The following MAGI2 variants were observed in gnomAD, a reference collection of about 807,000 sequenced individuals.
The protein encoded by MAGI2 is membrane associated guanylate kinase, WW and PDZ domain containing 2, also known as membrane-associated guanylate kinase, WW and PDZ domain-containing protein 2.
Under a neutral mutation model 133.3 loss-of-function variants are expected in MAGI2, and 35 were observed. The observed-to-expected ratio is 0.26, with a 90% CI of 0.20 to 0.35. The LOEUF (loss-of-function observed/expected upper bound fraction) is 0.35, where lower values mean the gene tolerates loss of function less well. MAGI2 is among the 10% of genes least tolerant of loss of function. MAGI2 has a pLI of 1.00. For missense variants in MAGI2, 1,636 were observed against 1,863.4 expected (o/e 0.88, Z 2.25); for synonymous variants, 729 against 710.6 (o/e 1.03, Z -0.41).
At chr7:79,206,430 C>T (rs1281053489) in intron 1 of MAGI2, among the ~76,000 whole-genome samples, 1 of 150,786 alleles carries the variant, frequency 6.6e-6, no homozygotes, top group Admixed American at 6.6e-5. Context: ...TTATGAGATA[C>T]TATTATGAAA....
At chr7:79,131,743 T>C (rs541856793) in intron 1 of MAGI2, among the ~76,000 whole-genome samples, 11 of 152,224 alleles carry the variant, frequency 7.2e-5, no homozygotes, top group Non-Finnish European at 1.5e-4. Flanking sequence ...CTTTCGTTTT[T>C]GAATTTTTTA....
Position 79,336,342 on chromosome 7 carries a change from C to T in MAGI2, c.301+116678G>A, listed in dbSNP as rs1840438069. ...CAACTTCAAAGCCCAAGCTCTTAAA[C>T]ATCAGTACGTTGGATAGTACTATAA... On this transcript the variant is annotated intron_variant, in intron 1 of 21. Transcript: ENST00000354212. Among the ~76,000 whole-genome samples, 3 of 152,126 alleles carry T rather than the reference C, an allele frequency of 2.0e-5. No homozygotes were observed. The East Asian group carries it at 5.8e-4, about 29-fold the overall frequency.
chr7:78,831,948 T>C (rs968283814), intron 2 of MAGI2, among the ~76,000 whole-genome samples: 28 of 152,166 alleles, frequency 1.8e-4, no homozygotes, highest in African/African-American at 6.8e-4. Context: ...AAGGGTCCAT[T>C]TGGCTGCATT....
intron 3 of MAGI2, among the ~76,000 whole-genome samples, chr7:78,608,506 TATA>T: frequency 6.6e-6 from 1 of 151,944 alleles, no homozygotes; most frequent in South Asian, 2.1e-4. Context: ...TAGAAGCATA[TATA>T]ATGTGTGTCT....
chr7:78,288,658 G>A (rs1431704323), intron 9 of MAGI2, among the ~76,000 whole-genome samples: 1 of 152,198 alleles, frequency 6.6e-6, no homozygotes, highest in Non-Finnish European at 1.5e-5. Context: ...CTCCTCAAGT[G>A]GGTCCCTGAC....
intron 1 of MAGI2, among the ~76,000 whole-genome samples, chr7:79,387,676 C>T (rs1486659268): frequency 6.6e-6 from 1 of 151,942 alleles, no homozygotes; most frequent in African/African-American, 2.4e-5. Flanking sequence ...TAATTATCAA[C>T]TTGGACTTTT....
At position 78,411,507 on chromosome 7, in the gene MAGI2, T is replaced by C. The variant is rs112906354; in HGVS notation, c.1046-42294A>G. ...AGTTTGACAGTAGGCTAATAACTAA[T>C]ACTGGCAGACTGACCAACTAGAATT... On this transcript the variant is annotated intron_variant, in intron 6 of 21. Transcript: ENST00000354212. Among the ~76,000 whole-genome samples the C allele has an allele frequency of 6.4e-3, 979 of 152,150 alleles. 10 individuals carry two copies. Among genetic ancestry groups the C allele is most frequent in the African/African-American group, 0.023 (937 of 41,538 alleles).
intron 2 of MAGI2, among the ~76,000 whole-genome samples, chr7:78,792,394 C>T (rs1762031960): frequency 6.6e-6 from 1 of 152,158 alleles, no homozygotes; most frequent in South Asian, 2.1e-4. Context: ...TAAAGCCGCA[C>T]TTTTTATTAG....
chr7:78,185,716 T>C (rs1268507150), intron 12 of MAGI2, 46 bp from the exon 13 acceptor site: 1 of 1,442,398 alleles, frequency 6.9e-7, no homozygotes, highest in Non-Finnish European at 9.6e-7. Flanking sequence ...ATTTATGGCA[T>C]TTTAAAATTC....
In MAGI2 at chr7:78,496,069, A is replaced by G. The variant is rs146099666; in HGVS notation, c.965+5508T>C. 5.9e-3 allele frequency among the ~76,000 whole-genome samples: 904 copies of G among 152,308 alleles called. 9 individuals carry two copies. The highest frequency in any genetic ancestry group is 0.021 in the African/African-American group (869 of 41,584). Reference sequence around the variant, plus strand: ...CTCCAATAAATTTCCAAAGTATTTTATCTTTTCTTTAATAAATGTTGTTTA... The same window carrying G: ...CTCCAATAAATTTCCAAAGTATTTTGTCTTTTCTTTAATAAATGTTGTTTA... On this transcript the variant is annotated intron_variant, in intron 5 of 21. Coordinates refer to ENST00000354212, the MANE Select transcript of MAGI2 (RefSeq NM_012301.4).
At chr7:79,335,504 A>C (rs1840378266) in intron 1 of MAGI2, among the ~76,000 whole-genome samples, 1 of 152,102 alleles carries the variant, frequency 6.6e-6, no homozygotes, top group African/African-American at 2.4e-5. Flanking sequence ...GTAATGTAAA[A>C]CTGCAAAACT....
chr7:79,291,932 T>G (rs1215893734), intron 1 of MAGI2, among the ~76,000 whole-genome samples: 1 of 152,196 alleles, frequency 6.6e-6, no homozygotes, highest in African/African-American at 2.4e-5. Flanking sequence ...CCAATTTATC[T>G]GATTTTTTTT....
At position 78,364,172 on chromosome 7, in the gene MAGI2, A is replaced by G. The variant is rs113936943; in HGVS notation, c.1103+4984T>C. 1.9e-3 allele frequency among the ~76,000 whole-genome samples: 285 copies of G among 152,336 alleles called. 1 individual carries two copies. The highest frequency in any genetic ancestry group is 6.5e-3 in the African/African-American group (271 of 41,592). ...AAATTGATGTGTGCAAATTCTGTTTATAAGATTTAGAGCTTTCCTTAGTGA... is the reference window on the plus strand; with the variant it reads ...AAATTGATGTGTGCAAATTCTGTTTGTAAGATTTAGAGCTTTCCTTAGTGA... On this transcript the variant is annotated intron_variant, in intron 7 of 21. Transcript: ENST00000354212.
intron 3 of MAGI2, among the ~76,000 whole-genome samples, chr7:78,606,799 G>A (rs38096): frequency 0.61 from 92,756 of 151,838 alleles, 28,937 homozygotes; most frequent in Middle Eastern, 0.72. Flanking sequence ...CAGTTAACAT[G>A]CCCTTGTATT....
intron 9 of MAGI2, among the ~76,000 whole-genome samples, chr7:78,284,856 C>A (rs1369262180): frequency 1.3e-5 from 2 of 152,070 alleles, no homozygotes; most frequent in Non-Finnish European, 2.9e-5. Flanking sequence ...GAGCTAATGA[C>A]CAGGAATTTC....
chr7:78,571,105 G>A (rs1026466035), intron 3 of MAGI2, among the ~76,000 whole-genome samples: 2 of 152,098 alleles, frequency 1.3e-5, no homozygotes, highest in African/African-American at 4.8e-5. Flanking sequence ...CTGTCATGTT[G>A]ATTTAGTTTA....
At chr7:78,837,034 C>T (rs372147417) in intron 2 of MAGI2, among the ~76,000 whole-genome samples, 1 of 152,072 alleles carries the variant, frequency 6.6e-6, no homozygotes, top group Non-Finnish European at 1.5e-5. Flanking sequence ...AAATTCATTT[C>T]GTTTTTCAAA....
intron 2 of MAGI2, among the ~76,000 whole-genome samples, chr7:78,911,702 G>A (rs1236685579): frequency 6.6e-6 from 1 of 151,430 alleles, no homozygotes; most frequent in Admixed American, 6.6e-5. Flanking sequence ...AATTGTTTTT[G>A]CTTAACTTTT....
chr7:78,303,714 G>A lies in MAGI2; in HGVS notation c.1408+40064C>T, dbSNP rs118028745. The stretch of plus-strand genomic sequence containing the variant: ...CACTATATAAGTGCTTGGTAAATGG[G>A]AATGCACTATGCAAATGTTAGGGGT... On this transcript the variant is annotated intron_variant, in intron 9 of 21. Coordinates refer to ENST00000354212, the MANE Select transcript of MAGI2 (RefSeq NM_012301.4). Among the ~76,000 whole-genome samples, 754 of 152,172 alleles carry A rather than the reference G, an allele frequency of 5.0e-3. 2 individuals carry two copies. Among genetic ancestry groups the A allele is most frequent in the Non-Finnish European group, 7.4e-3 (504 of 68,016 alleles).
Sources: gnomAD v4.1 joint callset for allele counts (sites outside exome capture counted in the v4.1 genomes callset) on GRCh38, gnomAD v4.1.1 for gene constraint, MANE v1.5 for transcripts, NCBI Gene and HGNC (gene_info 2026-07-23, HGNC 2026-07-21) for gene names.